Variants in EXOC6B observed in about 807,000 individuals in gnomAD.
EXOC6B encodes the protein SEC15 homolog B.
EXOC6B carries 54 observed loss-of-function variants against 113.5 expected under a neutral mutation model. That is an observed-to-expected ratio of 0.48 (90% CI 0.38 to 0.60). The LOEUF is 0.60. Ranked by LOEUF, EXOC6B falls within the 20% of genes least tolerant of loss-of-function variation. EXOC6B has a pLI of 0.00. For missense variants in EXOC6B, 797 were observed against 977.5 expected, an observed-to-expected ratio of 0.82 and a Z score of 2.46; for synonymous variants, 357 against 339.0, an observed-to-expected ratio of 1.05 and a Z score of -0.58.
At chr2:72,330,437 A>T (rs1191354135) in intron 20 of EXOC6B, among the ~76,000 whole-genome samples, 1 of 152,138 alleles carries the variant, frequency 6.6e-6, no homozygotes, top group African/African-American at 2.4e-5. Flanking sequence ...CCTAATACTT[A>T]AAAGAGAAAA....
chr2:72,495,518 G>A lies in EXOC6B; in HGVS notation c.1465C>T (p.Pro489Ser), dbSNP rs776422975. The change falls in exon 15 of 22, where the codon CCT (proline) becomes TCT (serine). Residue 489 changes from proline (P) to serine (S), a missense_variant. Transcript: ENST00000272427. Reference protein sequence around the residue: ...LEKQPFPKKFPFSEFVPKVYN... With the variant: ...LEKQPFPKKFSFSEFVPKVYN... ...ACTTTTGGCACAAATTCAGAGAAAG[G>A]AAACTTTTTTGGAAATGGTTGCTGT... is the stretch of plus-strand genomic sequence containing the variant. The A allele has an allele frequency of 6.2e-7, 1 of 1,606,794 alleles. No homozygotes were observed. The highest frequency in any genetic ancestry group is 8.5e-7 in the Non-Finnish European group (1 of 1,175,756).
At chr2:72,594,989 T>C (rs1669974841) in intron 6 of EXOC6B, among the ~76,000 whole-genome samples, 1 of 152,168 alleles carries the variant, frequency 6.6e-6, no homozygotes, top group South Asian at 2.1e-4. Flanking sequence ...CCGGACGCAG[T>C]GGCTCATGCC....
At chr2:72,545,885 A>G (rs2105804201) in intron 8 of EXOC6B, among the ~76,000 whole-genome samples, 1 of 152,346 alleles carries the variant, frequency 6.6e-6, no homozygotes, top group South Asian at 2.1e-4. Flanking sequence ...AGTTCTTTAA[A>G]CAATTTCATT....
At chr2:72,623,313 G>C (rs546700757) in intron 6 of EXOC6B, among the ~76,000 whole-genome samples, 1 of 152,060 alleles carries the variant, frequency 6.6e-6, no homozygotes, top group African/African-American at 2.4e-5. Context: ...AACTCTTTTA[G>C]AGGGCTAGAG....
intron 6 of EXOC6B, among the ~76,000 whole-genome samples, chr2:72,648,722 A>G (rs568967949): frequency 2.6e-5 from 4 of 152,362 alleles, no homozygotes; most frequent in African/African-American, 9.6e-5. Flanking sequence ...TTCAGTCACA[A>G]GAAAGAATGA....
At chr2:72,234,083 C>CTTTTTTTTT (rs34660222) in intron 20 of EXOC6B, among the ~76,000 whole-genome samples, 1 of 131,912 alleles carries the variant, frequency 7.6e-6, no homozygotes, top group African/African-American at 3.0e-5. Context: ...TGGACCGCCT[C>CTTTTTTTTT]TTTTTTTTTT....
intron 7 of EXOC6B, among the ~76,000 whole-genome samples, chr2:72,566,649 T>G (rs775072492): frequency 1.3e-5 from 2 of 152,122 alleles, no homozygotes; most frequent in Non-Finnish European, 2.9e-5. Flanking sequence ...CACAGAAATA[T>G]ATGAGTTCCA....
intron 20 of EXOC6B, among the ~76,000 whole-genome samples, chr2:72,297,174 T>C (rs1479176077): frequency 6.6e-6 from 1 of 152,178 alleles, no homozygotes; most frequent in Non-Finnish European, 1.5e-5. Context: ...GATTTCACAT[T>C]TTAAATTTCA....
At chr2:72,230,733 ACT>A (rs1258457017) in intron 20 of EXOC6B, among the ~76,000 whole-genome samples, 1 of 152,184 alleles carries the variant, frequency 6.6e-6, no homozygotes, top group East Asian at 1.9e-4. Context: ...TTAGATATAG[ACT>A]CTCAGTGCTA....
intron 20 of EXOC6B, among the ~76,000 whole-genome samples, chr2:72,329,310 T>C (rs1180121671): frequency 6.6e-6 from 1 of 152,040 alleles, no homozygotes; most frequent in East Asian, 1.9e-4. Flanking sequence ...AACAGTTTAA[T>C]GGTTATAACG....
At chr2:72,550,523 G>A (rs1703150619) in intron 8 of EXOC6B, among the ~76,000 whole-genome samples, 1 of 152,172 alleles carries the variant, frequency 6.6e-6, no homozygotes, top group Non-Finnish European at 1.5e-5. Context: ...TACTGTGAAT[G>A]GGAGAAGAGA....
chr2:72,504,927 C>G (rs540401896), intron 11 of EXOC6B, among the ~76,000 whole-genome samples: 1 of 152,198 alleles, frequency 6.6e-6, no homozygotes, highest in Admixed American at 6.5e-5. Context: ...TTGTCTTTTG[C>G]TCATTTTTTC....
At chr2:72,194,200 AT>A (rs2104296037) in intron 20 of EXOC6B, among the ~76,000 whole-genome samples, 1 of 152,310 alleles carries the variant, frequency 6.6e-6, no homozygotes, top group African/African-American at 2.4e-5. Context: ...AAAATTCATT[AT>A]CTTAACAACT....
chr2:72,499,154 G>C (rs1347678324), intron 12 of EXOC6B, among the ~76,000 whole-genome samples: 1 of 151,274 alleles, frequency 6.6e-6, no homozygotes, highest in East Asian at 1.9e-4. Flanking sequence ...CTATAAAAGA[G>C]ATAAAAAGAC....
intron 20 of EXOC6B, among the ~76,000 whole-genome samples, chr2:72,275,995 G>C (rs1684789433): frequency 6.6e-6 from 1 of 152,102 alleles, no homozygotes. Context: ...ATTCCTGAGA[G>C]AGCACTTAGT....
chr2:72,640,671 C>G (rs148048633), intron 6 of EXOC6B, among the ~76,000 whole-genome samples: 1 of 152,236 alleles, frequency 6.6e-6, no homozygotes, highest in African/African-American at 2.4e-5. Context: ...CAGCAGAAAC[C>G]ATATAAGCCA....
intron 2 of EXOC6B, among the ~76,000 whole-genome samples, chr2:72,733,338 T>C (rs1192855924): frequency 1.3e-5 from 2 of 152,152 alleles, no homozygotes; most frequent in African/African-American, 4.8e-5. Context: ...CTAACAAATA[T>C]GGTGAGTTTA....
At chr2:72,325,888 T>C (rs1475557063) in intron 20 of EXOC6B, among the ~76,000 whole-genome samples, 2 of 152,066 alleles carry the variant, frequency 1.3e-5, no homozygotes, top group African/African-American at 2.4e-5. Context: ...ATTCTCCTTT[T>C]GGTCCTTGCT....
intron 6 of EXOC6B, among the ~76,000 whole-genome samples, chr2:72,649,684 T>C (rs1338652416): frequency 3.9e-5 from 6 of 152,174 alleles, no homozygotes; most frequent in African/African-American, 7.2e-5. Flanking sequence ...GCAAGACTTA[T>C]ACAGCTACAG....
Sources: gnomAD v4.1 joint callset for allele counts (sites outside exome capture counted in the v4.1 genomes callset) on GRCh38, gnomAD v4.1.1 for gene constraint, MANE v1.5 for transcripts, NCBI Gene and HGNC (gene_info 2026-07-23, HGNC 2026-07-21) for gene names.